Variants in RBFOX1 observed in about 807,000 individuals in gnomAD.
RBFOX1 encodes RNA binding protein fox-1 homolog 1.
RBFOX1 carries 8 observed loss-of-function variants against 57.7 expected under a neutral mutation model. The observed-to-expected ratio is 0.14, with a 90% CI of 0.08 to 0.25. RBFOX1 has a LOEUF of 0.25. Ranked by LOEUF, RBFOX1 falls within the 10% of genes least tolerant of loss-of-function variation. The pLI is 1.00. For synonymous variants in RBFOX1, 326 were observed against 222.4 expected (o/e 1.47, Z -4.15); for missense variants, 611 against 548.5 (o/e 1.11, Z -1.14).
intron 11 of RBFOX1, among the ~76,000 whole-genome samples, chr16:7,640,606 G>C (rs1161037399): frequency 1.3e-5 from 2 of 152,194 alleles, no homozygotes; most frequent in Non-Finnish European, 2.9e-5. Flanking sequence ...CAGAGAACAA[G>C]GCCGAGATGA....
chr16:5,558,280 G>C (rs1184136334), intron 2 of RBFOX1, among the ~76,000 whole-genome samples: 2 of 152,162 alleles, frequency 1.3e-5, no homozygotes, highest in African/African-American at 4.8e-5. Context: ...AGCTGAAAGA[G>C]CACACTGTAA....
intron 13 of RBFOX1, among the ~76,000 whole-genome samples, chr16:7,670,014 T>C (rs539038909): frequency 6.6e-6 from 1 of 152,284 alleles, no homozygotes; most frequent in African/African-American, 2.4e-5. Flanking sequence ...ATCTTACCTC[T>C]ATTTTTCTGT....
At chr16:6,792,722 C>T (rs2083205071) in intron 3 of RBFOX1, among the ~76,000 whole-genome samples, 2 of 151,896 alleles carry the variant, frequency 1.3e-5, no homozygotes, top group Admixed American at 1.3e-4. Flanking sequence ...ATAGATTGTT[C>T]TTGAAGGGGA....
intron 5 of RBFOX1, among the ~76,000 whole-genome samples, chr16:7,555,043 C>T (rs1315808922): frequency 6.6e-6 from 1 of 152,026 alleles, no homozygotes; most frequent in Non-Finnish European, 1.5e-5. Context: ...TTGGTCATTT[C>T]TTTCAGAATA....
At chr16:6,987,927 A>T (rs1324943707) in intron 3 of RBFOX1, among the ~76,000 whole-genome samples, 8 of 152,034 alleles carry the variant, frequency 5.3e-5, no homozygotes. Context: ...CTGGAATGAG[A>T]TCCCACAGGA....
intron 4 of RBFOX1, among the ~76,000 whole-genome samples, chr16:7,435,960 C>T (rs189057506): frequency 6.6e-6 from 1 of 152,290 alleles, no homozygotes; most frequent in East Asian, 1.9e-4. Context: ...CACGTCATTC[C>T]TTTTATGACA....
chr16:6,365,198 AGATG>A (rs1568026439), intron 2 of RBFOX1, among the ~76,000 whole-genome samples: 1 of 152,232 alleles, frequency 6.6e-6, no homozygotes, highest in Admixed American at 6.5e-5. Context: ...TTCTTAAAAT[AGATG>A]GATGGGTAGA....
intron 3 of RBFOX1, among the ~76,000 whole-genome samples, chr16:5,689,663 C>G (rs1487426801): frequency 2.6e-5 from 4 of 152,164 alleles, no homozygotes; most frequent in African/African-American, 9.7e-5. Flanking sequence ...TGGTCACATT[C>G]ACTTATTCAG....
intron 1 of RBFOX1, among the ~76,000 whole-genome samples, chr16:6,238,287 G>A (rs1213961013): frequency 1.3e-5 from 2 of 152,024 alleles, no homozygotes; most frequent in African/African-American, 2.4e-5. Context: ...TCTTAGAAAC[G>A]AAATTTGTCC....
chr16:6,827,466 G>T (rs1008993832), intron 3 of RBFOX1, among the ~76,000 whole-genome samples: 6 of 152,160 alleles, frequency 3.9e-5, no homozygotes, highest in African/African-American at 1.2e-4. Context: ...ATGACAGCTG[G>T]TGACTTCCTG....
chr16:7,420,514 A>T (rs539538825), intron 4 of RBFOX1, among the ~76,000 whole-genome samples: 4 of 152,186 alleles, frequency 2.6e-5, no homozygotes, highest in Non-Finnish European at 5.9e-5. Context: ...CTCATGTCTG[A>T]TGTTTGAATC....
chr16:6,175,439 A>T (rs906078668), intron 1 of RBFOX1, among the ~76,000 whole-genome samples: 8 of 152,010 alleles, frequency 5.3e-5, no homozygotes, highest in African/African-American at 1.9e-4. Context: ...TAGAGACACT[A>T]ATTTTGGCTT....
intron 10 of RBFOX1, among the ~76,000 whole-genome samples, chr16:7,613,167 C>T (rs1172435992): frequency 6.6e-6 from 1 of 152,002 alleles, no homozygotes; most frequent in East Asian, 1.9e-4. Context: ...CAAAAACCAC[C>T]CCTAGGGATA....
intron 3 of RBFOX1, among the ~76,000 whole-genome samples, chr16:5,673,387 C>G (rs1400267275): frequency 1.3e-5 from 2 of 152,134 alleles, no homozygotes; most frequent in Non-Finnish European, 2.9e-5. Flanking sequence ...ATGAAGCTAT[C>G]TTCTCTCAGA....
chr16:6,103,034 T>G (rs939035642), intron 1 of RBFOX1, among the ~76,000 whole-genome samples: 31 of 152,134 alleles, frequency 2.0e-4, no homozygotes, highest in African/African-American at 7.2e-4. Flanking sequence ...CTTCCCCTCT[T>G]TTGGACAATT....
At chr16:7,623,288 G>A (rs987931989) in intron 10 of RBFOX1, among the ~76,000 whole-genome samples, 2 of 152,148 alleles carry the variant, frequency 1.3e-5, no homozygotes, top group Non-Finnish European at 2.9e-5. Context: ...TGATTCCAGT[G>A]CATTTCTTGT....
intron 3 of RBFOX1, among the ~76,000 whole-genome samples, chr16:6,810,681 C>T (rs925818671): frequency 8.5e-5 from 13 of 152,148 alleles, no homozygotes; most frequent in Admixed American, 8.5e-4. Flanking sequence ...GGGAAGTCCT[C>T]TGGAAACGTA....
At chr16:5,253,709 C>G (rs559285023) in intron 1 of RBFOX1, among the ~76,000 whole-genome samples, 29 of 152,324 alleles carry the variant, frequency 1.9e-4, no homozygotes, top group African/African-American at 6.0e-4. Context: ...TCTTGCAAGT[C>G]CTGTATGAGG....
chr16:6,491,099 C>T (rs149282199), intron 2 of RBFOX1, among the ~76,000 whole-genome samples: 44 of 151,770 alleles, frequency 2.9e-4, no homozygotes, highest in Non-Finnish European at 4.0e-4. Context: ...TTAAATTATA[C>T]GTGTATATAT....
Sources: gnomAD v4.1 joint callset for allele counts (sites outside exome capture counted in the v4.1 genomes callset) on GRCh38, gnomAD v4.1.1 for gene constraint, MANE v1.5 for transcripts, NCBI Gene and HGNC (gene_info 2026-07-23, HGNC 2026-07-21) for gene names.